CELF4: variants seen among roughly 807,000 people sequenced by gnomAD.
The protein encoded by CELF4 is CUG-BP- and ETR-3-like factor 4.
A neutral mutation model predicts 59.9 loss-of-function variants in CELF4; 18 were observed. That is an observed-to-expected ratio of 0.30 (90% CI 0.21 to 0.45). The LOEUF is 0.45. CELF4 is among the 20% of genes least tolerant of loss of function. The pLI is 1.00. For missense variants in CELF4, 456 were observed against 689.0 expected, an observed-to-expected ratio of 0.66 and a Z score of 3.79; for synonymous variants, 261 against 267.1, an observed-to-expected ratio of 0.98 and a Z score of 0.22.
chr18:37,374,735 G>A (rs1316689864), intron 2 of CELF4, among the ~76,000 whole-genome samples: 2 of 152,182 alleles, frequency 1.3e-5, no homozygotes, highest in Admixed American at 1.3e-4. Context: ...ATGGAAGGGA[G>A]GCACAGAGTG....
chr18:37,489,204 C>T (rs562183889), intron 1 of CELF4, among the ~76,000 whole-genome samples: 9 of 152,386 alleles, frequency 5.9e-5, no homozygotes, highest in Non-Finnish European at 1.0e-4. Flanking sequence ...GCCAGCATGG[C>T]AGATTAGTTG....
intron 2 of CELF4, among the ~76,000 whole-genome samples, chr18:37,328,574 T>G (rs2097416375): frequency 6.6e-6 from 1 of 152,188 alleles, no homozygotes; most frequent in African/African-American, 2.4e-5. Flanking sequence ...AGACATAATT[T>G]GCAGCCTTCA....
chr18:37,377,010 T>G (rs1791475), intron 2 of CELF4, among the ~76,000 whole-genome samples: 150,738 of 150,742 alleles, frequency 1, 75,367 homozygotes, highest in Middle Eastern at 1. Context: ...GGGGAGAGGG[T>G]AAGGGGAGGT....
intron 2 of CELF4, among the ~76,000 whole-genome samples, chr18:37,370,641 T>A (rs1400773813): frequency 3.9e-5 from 6 of 152,180 alleles, no homozygotes; most frequent in African/African-American, 1.4e-4. Flanking sequence ...AAAATCTGAC[T>A]GCTTGTACTT....
chr18:37,553,902 C>T lies in CELF4; in HGVS notation c.286+11454G>A, dbSNP rs1050871746. Among the ~76,000 whole-genome samples, 5 of 152,136 alleles carry T rather than the reference C, an allele frequency of 3.3e-5. No individual in the cohort carries two copies. The South Asian group carries it at 6.2e-4, about 19-fold the overall frequency. ...CGCAGTGTGTGTGTAAGAAGTTCTTCGTCTCACCGTCAGAGGGCAGGCGAC... is the reference window on the plus strand; with the variant it reads ...CGCAGTGTGTGTGTAAGAAGTTCTTTGTCTCACCGTCAGAGGGCAGGCGAC... On this transcript the variant is annotated intron_variant, in intron 1 of 12. Coordinates refer to ENST00000420428, the MANE Select transcript of CELF4 (RefSeq NM_020180.4).
chr18:37,396,416 AC>A (rs1207239848), intron 2 of CELF4, among the ~76,000 whole-genome samples: 1 of 152,220 alleles, frequency 6.6e-6, no homozygotes, highest in Non-Finnish European at 1.5e-5. Flanking sequence ...GCTATTGAAA[AC>A]ATGTCTCAAG....
chr18:37,364,355 C>A (rs1339217044), intron 2 of CELF4, among the ~76,000 whole-genome samples: 1 of 152,218 alleles, frequency 6.6e-6, no homozygotes, highest in Non-Finnish European at 1.5e-5. Flanking sequence ...TTCACTTCTC[C>A]CTGGCAGCCA....
At position 37,410,699 on chromosome 18, in the gene CELF4, G is replaced by C. The variant is rs566000301; in HGVS notation, c.369+74826C>G. Among the ~76,000 whole-genome samples, 68 of 152,350 alleles carry C rather than the reference G, an allele frequency of 4.5e-4. 1 individual carries two copies. The South Asian group carries it at 0.014, about 32-fold the overall frequency. On this transcript the variant is annotated intron_variant, in intron 2 of 12. Transcript: ENST00000420428. The stretch of plus-strand genomic sequence containing the variant: ...GCAATCGCATATTGTATGCCTGTGT[G>C]CATGTATGACCAAGTGACTTAGGGT...
intron 12 of CELF4, among the ~76,000 whole-genome samples, chr18:37,251,589 T>C (rs566602760): frequency 3.3e-5 from 5 of 152,302 alleles, no homozygotes; most frequent in Non-Finnish European, 7.3e-5. Context: ...CTTAGTCTCA[T>C]TAATGAGAAA....
chr18:37,435,513 G>T (rs1417010954), intron 2 of CELF4, among the ~76,000 whole-genome samples: 1 of 152,104 alleles, frequency 6.6e-6, no homozygotes, highest in African/African-American at 2.4e-5. Flanking sequence ...CTTGCTTAGG[G>T]TCTCTGATCC....
intron 2 of CELF4, among the ~76,000 whole-genome samples, chr18:37,462,563 T>A (rs2099796655): frequency 1.3e-5 from 2 of 152,240 alleles, no homozygotes; most frequent in South Asian, 4.1e-4. Flanking sequence ...TCAGCATCCA[T>A]GAGTCGCTGT....
chr18:37,351,903 A>G (rs1329224736), intron 2 of CELF4, among the ~76,000 whole-genome samples: 1 of 152,156 alleles, frequency 6.6e-6, no homozygotes, highest in African/African-American at 2.4e-5. Flanking sequence ...GGCGTGAGCC[A>G]CCACCGAACC....
At chr18:37,301,627 G>A (rs1603382949) in intron 3 of CELF4, among the ~76,000 whole-genome samples, 1 of 152,158 alleles carries the variant, frequency 6.6e-6, no homozygotes, top group Admixed American at 6.5e-5. Context: ...CCCTTCCTCA[G>A]GTTCCATGAG....
At chr18:37,327,315 C>T (rs1194721657) in intron 2 of CELF4, among the ~76,000 whole-genome samples, 1 of 152,178 alleles carries the variant, frequency 6.6e-6, no homozygotes. Context: ...GGCTCTGATT[C>T]ACCCCACCAG....
intron 2 of CELF4, among the ~76,000 whole-genome samples, chr18:37,380,798 T>TCCATCCATCCATCCAC (rs2099030075): frequency 6.6e-6 from 1 of 150,572 alleles, no homozygotes; most frequent in South Asian, 2.1e-4. Context: ...CATGAATCCA[T>TCCATCCATCCATCCAC]CCATCCATCC....
intron 12 of CELF4, among the ~76,000 whole-genome samples, chr18:37,249,633 T>C (rs1049530989): frequency 5.3e-5 from 8 of 152,146 alleles, no homozygotes; most frequent in African/African-American, 1.4e-4. Context: ...AGCTGGCTAC[T>C]GTCTTCATTA....
chr18:37,565,257 C>G (rs2154606454), intron 1 of CELF4, 99 bp downstream of exon 1: 1 of 1,380,536 alleles, frequency 7.2e-7, no homozygotes, highest in African/African-American at 1.5e-5. Flanking sequence ...CCGAGGCTTC[C>G]TCTCGCTTAG....
intron 1 of CELF4, among the ~76,000 whole-genome samples, chr18:37,507,539 C>T (rs145710864): frequency 6.8e-4 from 103 of 152,306 alleles, no homozygotes; most frequent in African/African-American, 2.3e-3. Flanking sequence ...TTCCCATTTC[C>T]TCTAAAATCA....
intron 2 of CELF4, among the ~76,000 whole-genome samples, chr18:37,377,318 C>T (rs2098982827): frequency 6.6e-6 from 1 of 152,174 alleles, no homozygotes; most frequent in Admixed American, 6.5e-5. Context: ...TCCCAAAAAA[C>T]TGCCTCAGTG....
Sources: gnomAD v4.1 joint callset for allele counts (sites outside exome capture counted in the v4.1 genomes callset) on GRCh38, gnomAD v4.1.1 for gene constraint, MANE v1.5 for transcripts, NCBI Gene and HGNC (gene_info 2026-07-23, HGNC 2026-07-21) for gene names.